The following SMAP1 variants were observed in gnomAD, a reference collection of about 807,000 sequenced individuals.
The protein encoded by SMAP1 is small ArfGAP 1, also known as stromal membrane-associated protein 1.
A neutral mutation model predicts 58.5 loss-of-function variants in SMAP1; 24 were observed. That is an observed-to-expected ratio of 0.41 (90% confidence interval 0.30 to 0.58). SMAP1 has a LOEUF of 0.58. Among genes scored for constraint, SMAP1 ranks in the 20% least tolerant of loss-of-function variants. SMAP1 has a pLI of 0.29. For synonymous variants in SMAP1, 216 were observed against 196.6 expected (o/e 1.10, Z -0.82); for missense variants, 563 against 566.3 (o/e 0.99, Z 0.06).
intron 10 of SMAP1, chr6:70,859,674 A>C: frequency 4.0e-6 from 1 of 248,422 alleles, no homozygotes; most frequent in South Asian, 1.4e-4. Context: ...GTCTTGAAGA[A>C]AAATACATGT....
At chr6:70,773,744 A>G (rs1232601324) in intron 4 of SMAP1, among the ~76,000 whole-genome samples, 1 of 152,210 alleles carries the variant, frequency 6.6e-6, no homozygotes, top group Non-Finnish European at 1.5e-5. Flanking sequence ...GAAATGTATG[A>G]AAAAGAAAAA....
At chr6:70,800,587 T>C (rs1768799413) in intron 6 of SMAP1, among the ~76,000 whole-genome samples, 1 of 152,212 alleles carries the variant, frequency 6.6e-6, no homozygotes, top group Non-Finnish European at 1.5e-5. Flanking sequence ...TACACAGGTA[T>C]ACATGTGCCA....
chr6:70,747,902 G>T (rs576900247), intron 2 of SMAP1, among the ~76,000 whole-genome samples: 1 of 152,236 alleles, frequency 6.6e-6, no homozygotes, highest in East Asian at 1.9e-4. Context: ...TATGAAAACT[G>T]CTACCTCTAA....
chr6:70,672,478 A>G (rs1562083764), intron 1 of SMAP1, among the ~76,000 whole-genome samples: 3 of 152,240 alleles, frequency 2.0e-5, no homozygotes, highest in African/African-American at 4.8e-5. Flanking sequence ...CCGTTTATAC[A>G]TAAAAGACAA....
In SMAP1 at chr6:70,856,866, C is replaced by A; in HGVS notation, c.797C>A (p.Pro266His). 1.9e-6 allele frequency: 3 copies of A among 1,610,760 alleles called. No individual in the cohort carries two copies. Among genetic ancestry groups the A allele is most frequent in the Non-Finnish European group, 2.5e-6 (3 of 1,178,084 alleles). The part of the protein sequence containing the change: ...ATVMPPAQGT[P>H]SAPAAATLST... ...TTTTGGTGTTTGTCTCAGGGGACAC[C>A]CTCTGCACCAGCAGCTGCAACCCTG... Residue 266 changes from proline (P) to histidine (H), a missense_variant, in exon 9 of 11, where the codon CCC (proline) becomes CAC (histidine). Pro to His is a moderately conservative substitution (Grantham distance 77, BLOSUM62 -2). This residue lies in a region of SMAP1 where 494 missense variants were observed against 473.8 expected (regional missense o/e 1.04). Transcript: ENST00000370455.
Position 70,798,649 on chromosome 6 carries a change from T to C in SMAP1, c.496-8T>C. The C allele has an allele frequency of 1.3e-6, 2 of 1,499,120 alleles. No homozygotes were observed. The highest frequency in any genetic ancestry group is 1.8e-6 in the Non-Finnish European group (2 of 1,126,266). 92.9% of individuals were successfully genotyped at this position (1,499,120 alleles called of 1,614,324 possible). On this transcript the variant is annotated splice_polypyrimidine_tract_variant and splice_region_variant and intron_variant, in intron 5 of 10. Coordinates refer to ENST00000370455, the MANE Select transcript of SMAP1 (RefSeq NM_001044305.3). ...GTAAACTTATCAAAACTTTGGGCTG[T>C]GTTTTAGAAAGAAAAGGAAAAAAAA...
chr6:70,676,112 C>T (rs1266628229), intron 1 of SMAP1, among the ~76,000 whole-genome samples: 4 of 152,244 alleles, frequency 2.6e-5, no homozygotes, highest in South Asian at 4.2e-4. Context: ...AGGGAGCACC[C>T]GGACGCTTGC....
chr6:70,787,744 A>T (rs966892382), intron 4 of SMAP1, among the ~76,000 whole-genome samples: 2 of 151,606 alleles, frequency 1.3e-5, no homozygotes, highest in African/African-American at 2.4e-5. Context: ...TCAAAACCAC[A>T]ATGAGATACC....
Position 70,857,947 on chromosome 6 carries a change from A to G in SMAP1, c.987A>G (p.Ile329Met), listed in dbSNP as rs1219792847. Residue 329 changes from isoleucine (I) to methionine (M), a missense_variant, in exon 10 of 11, where the codon ATA becomes ATG. Coordinates refer to ENST00000370455, the MANE Select transcript of SMAP1 (RefSeq NM_001044305.3). ...TPGVFMGPTN[I>M]PFTSQAPAAF... The stretch of plus-strand genomic sequence containing the variant: ...GTGTATTTATGGGACCCACAAATAT[A>G]CCATTTACCTCACAAGCACCAGCTG... 7 of 1,613,980 alleles carry G rather than the reference A, an allele frequency of 4.3e-6. No homozygotes were observed. In the African/African-American group the frequency reaches 8.0e-5, roughly 18 times the overall value.
chr6:70,799,010 A>G (rs577140616), intron 6 of SMAP1, among the ~76,000 whole-genome samples: 1 of 152,214 alleles, frequency 6.6e-6, no homozygotes, highest in East Asian at 1.9e-4. Context: ...TTTAGCTTTC[A>G]TACACAATCA....
chr6:70,794,138 A>G (rs1768494170), intron 5 of SMAP1, among the ~76,000 whole-genome samples: 2 of 152,244 alleles, frequency 1.3e-5, no homozygotes, highest in African/African-American at 4.8e-5. Flanking sequence ...TTTCTTGCAC[A>G]GGAGGTCAGC....
intron 2 of SMAP1, among the ~76,000 whole-genome samples, chr6:70,745,067 A>T (rs1394229307): frequency 1.3e-5 from 2 of 152,070 alleles, no homozygotes; most frequent in African/African-American, 2.4e-5. Flanking sequence ...TAGATTCTGG[A>T]TATTAGCCCT....
At chr6:70,852,428 C>A in intron 7 of SMAP1, 112 bp from the exon 8 acceptor site, 1 of 1,090,452 alleles carries the variant, frequency 9.2e-7, no homozygotes, top group Non-Finnish European at 1.2e-6. Context: ...AATGTTTTAC[C>A]AACTTTTGAA....
chr6:70,837,737 T>C, intron 7 of SMAP1: 1 of 1,139,474 alleles, frequency 8.8e-7, no homozygotes, highest in Admixed American at 3.4e-5. Context: ...TAGTAATACC[T>C]GAGCCTTGGC....
rs190474127 is a variant in SMAP1 at position 70,793,752 on chromosome 6, G to A, written c.495+1983G>A. Among the ~76,000 whole-genome samples the A allele has an allele frequency of 1.4e-3, 207 of 149,966 alleles. 1 individual carries two copies. Among genetic ancestry groups the A allele is most frequent in the Non-Finnish European group, 2.4e-3 (160 of 67,446 alleles). On this transcript the variant is annotated intron_variant, in intron 5 of 10. Coordinates refer to ENST00000370455, the MANE Select transcript of SMAP1 (RefSeq NM_001044305.3). ...ATTTATTTTTTTGAGACAGAGTTTC[G>A]CTCTTGTTGCCCATGTTGGAGTGCA...
At chr6:70,805,547 G>T (rs1009981278) in intron 6 of SMAP1, among the ~76,000 whole-genome samples, 6 of 152,184 alleles carry the variant, frequency 3.9e-5, no homozygotes, top group African/African-American at 1.4e-4. Flanking sequence ...TTCTGTTGCT[G>T]GCGAGGAGCT....
chr6:70,782,242 T>G (rs1456651364), intron 4 of SMAP1, among the ~76,000 whole-genome samples: 2 of 152,240 alleles, frequency 1.3e-5, no homozygotes, highest in Non-Finnish European at 2.9e-5. Context: ...TATGGATAAC[T>G]TCTATGGGAT....
intron 3 of SMAP1, among the ~76,000 whole-genome samples, chr6:70,761,144 GA>G (rs894568174): frequency 3.4e-4 from 51 of 151,796 alleles, no homozygotes; most frequent in African/African-American, 1.1e-3. Flanking sequence ...TTAAAGAAAA[GA>G]AAAAAATCTT....
intron 10 of SMAP1, 136 bp from the exon 11 acceptor site, chr6:70,860,064 G>A (rs1771642016): frequency 1.0e-6 from 1 of 954,522 alleles, no homozygotes; most frequent in East Asian, 2.7e-5. Context: ...AGAAATATTT[G>A]TATGGTACTC....
Sources: allele counts gnomAD v4.1 joint callset (sites outside exome capture counted in the v4.1 genomes callset), GRCh38; gene constraint gnomAD v4.1.1; regional missense constraint gnomAD v4.1.1; transcripts MANE v1.5; gene names NCBI Gene and HGNC (gene_info 2026-07-23, HGNC 2026-07-21).